Variants in SP140 observed in about 807,000 individuals in gnomAD.
The protein encoded by SP140 is nuclear body protein SP140.
In SP140, 81 loss-of-function variants were observed where a neutral mutation model predicts 125.0. That is an observed-to-expected ratio of 0.65 (90% confidence interval 0.54 to 0.78). SP140 has a LOEUF of 0.78. Ranked by LOEUF, SP140 falls within the 30% of genes least tolerant of loss-of-function variation. The probability of loss-of-function intolerance (pLI) is 0.00; values close to 1 mark genes in which losing one functional copy is unlikely to be tolerated. For missense variants in SP140, 858 were observed against 1,037.0 expected (o/e 0.83, Z 2.37); for synonymous variants, 312 against 354.0 (o/e 0.88, Z 1.33).
chr2:230,249,061 C>G (rs935100860), intron 9 of SP140, 93 bp downstream of exon 9: 2 of 895,586 alleles, frequency 2.2e-6, no homozygotes, highest in Non-Finnish European at 3.6e-6. Context: ...TCCTACCCTT[C>G]CCTTCTTCAC....
chr2:230,228,363 ATTG>A (rs1336224455), intron 1 of SP140, among the ~76,000 whole-genome samples: 1 of 152,210 alleles, frequency 6.6e-6, no homozygotes, highest in African/African-American at 2.4e-5. Context: ...GCATTCTGCT[ATTG>A]TTAAATGGAG....
the SP140 span, among the ~76,000 whole-genome samples, chr2:230,193,997 C>G: frequency 2.6e-5 from 4 of 152,124 alleles, no homozygotes; most frequent in African/African-American, 7.2e-5. Context: ...CAGCAAATGA[C>G]AGAGAGTATG....
chr2:230,262,706 G>A (rs750579407), intron 12 of SP140, among the ~76,000 whole-genome samples: 2 of 152,004 alleles, frequency 1.3e-5, no homozygotes, highest in African/African-American at 2.4e-5. Context: ...TCTTGATTTC[G>A]TTTTTGACCC....
intron 1 of SP140, among the ~76,000 whole-genome samples, chr2:230,236,572 A>G (rs1157740115): frequency 6.6e-6 from 1 of 152,176 alleles, no homozygotes. Context: ...AGTCTACTAG[A>G]GGATTCTTTC....
chr2:230,304,591 C>T (rs1251889678), intron 22 of SP140, among the ~76,000 whole-genome samples: 1 of 151,990 alleles, frequency 6.6e-6, no homozygotes, highest in African/African-American at 2.4e-5. Flanking sequence ...AAGAAAGGAC[C>T]CAGAAATAAA....
chr2:230,243,674 T>G, intron 4 of SP140, 57 bp from the exon 5 acceptor site: 1 of 1,366,530 alleles, frequency 7.3e-7, no homozygotes, highest in Non-Finnish European at 1.0e-6. Context: ...TTTTCTTGTT[T>G]TGATGGCTTT....
At chr2:230,195,134 A>G in the SP140 span, among the ~76,000 whole-genome samples, 5 of 151,742 alleles carry the variant, frequency 3.3e-5, no homozygotes, top group Non-Finnish European at 5.9e-5. Flanking sequence ...CACATCTTTT[A>G]TGGCTACAAA....
chr2:230,221,110 A>G (rs940025472), upstream of SP140, among the ~76,000 whole-genome samples: 3 of 151,816 alleles, frequency 2.0e-5, no homozygotes, highest in African/African-American at 4.8e-5. Flanking sequence ...GTGAAACCCC[A>G]TCTCTACTAA....
the SP140 span, among the ~76,000 whole-genome samples, chr2:230,187,127 T>TA: frequency 6.7e-3 from 1,022 of 152,292 alleles, 4 homozygotes; most frequent in Non-Finnish European, 9.6e-3. Flanking sequence ...CAGCAGTGTA[T>TA]AAACATTCCC....
At chr2:230,238,961 C>G in intron 3 of SP140, 1 of 1,523,084 alleles carries the variant, frequency 6.6e-7, no homozygotes, top group Non-Finnish European at 8.8e-7. Context: ...GGTGTGAGAG[C>G]TGACTCTGGA....
chr2:230,264,387 T>C (rs1412188189), intron 12 of SP140, among the ~76,000 whole-genome samples: 1 of 152,196 alleles, frequency 6.6e-6, no homozygotes, highest in East Asian at 1.9e-4. Flanking sequence ...TTGTATCATA[T>C]TTTGGATTTC....
chr2:230,294,481 A>T (rs1423911632), intron 21 of SP140, among the ~76,000 whole-genome samples, 163 bp downstream of exon 21: 1 of 152,146 alleles, frequency 6.6e-6, no homozygotes, highest in Non-Finnish European at 1.5e-5. Flanking sequence ...CAGAGTCGCT[A>T]ATTTGAACAC....
intron 1 of SP140, among the ~76,000 whole-genome samples, chr2:230,227,187 T>C (rs1439995503): frequency 6.6e-6 from 1 of 152,248 alleles, no homozygotes; most frequent in Non-Finnish European, 1.5e-5. Context: ...TGGGACTCTG[T>C]GCTAAGGCTA....
intron 15 of SP140, among the ~76,000 whole-genome samples, chr2:230,277,137 G>A (rs1400606959): frequency 6.6e-6 from 1 of 152,146 alleles, no homozygotes; most frequent in Non-Finnish European, 1.5e-5. Flanking sequence ...GTGATAAAAT[G>A]CTACTCAATA....
chr2:230,221,765 A>G (rs573165377), upstream of SP140: 54 of 1,531,046 alleles, frequency 3.5e-5, no homozygotes, highest in South Asian at 6.1e-4. Context: ...TCCTGGCAGC[A>G]AGAACTTCTT....
intron 15 of SP140, among the ~76,000 whole-genome samples, chr2:230,282,836 T>C (rs2055798711): frequency 6.6e-6 from 1 of 152,126 alleles, no homozygotes; most frequent in Non-Finnish European, 1.5e-5. Context: ...GGGATGTACA[T>C]TAGTAAGGGA....
intron 1 of SP140, among the ~76,000 whole-genome samples, chr2:230,232,234 C>A (rs2047364883): frequency 6.6e-6 from 1 of 152,202 alleles, no homozygotes; most frequent in South Asian, 2.1e-4. Flanking sequence ...TGGGGGCCTG[C>A]CCTGAGATGA....
At chr2:230,221,008 C>T (rs942815948), upstream of SP140, among the ~76,000 whole-genome samples, 2 of 151,692 alleles carry the variant, frequency 1.3e-5, no homozygotes, top group Non-Finnish European at 2.9e-5. Flanking sequence ...TTGGGCCAGG[C>T]TCGGTGGCTC....
At chr2:230,210,230 C>T (rs541965923) in intron 1 of SP140, among the ~76,000 whole-genome samples, 2 of 152,324 alleles carry the variant, frequency 1.3e-5, no homozygotes, top group African/African-American at 4.8e-5. Flanking sequence ...TGCCCCACAG[C>T]AGAGGCTCAG....
Sources: allele counts gnomAD v4.1 joint callset (sites outside exome capture counted in the v4.1 genomes callset), GRCh38; gene constraint gnomAD v4.1.1; transcripts MANE v1.5; gene names NCBI Gene and HGNC (gene_info 2026-07-23, HGNC 2026-07-21).